NCBP3: variants seen among roughly 807,000 people sequenced by gnomAD.
NCBP3 encodes the protein nuclear cap-binding protein subunit 3.
NCBP3 carries 20 observed loss-of-function variants against 75.7 expected under a neutral mutation model. The observed-to-expected ratio is 0.26, with a 90% CI of 0.19 to 0.38. NCBP3 has a LOEUF of 0.38. Among genes scored for constraint, NCBP3 ranks in the 10% least tolerant of loss-of-function variants. NCBP3 has a pLI of 1.00. For missense variants in NCBP3, 678 were observed against 796.9 expected (o/e 0.85, Z 1.80); for synonymous variants, 293 against 290.5 (o/e 1.01, Z -0.09).
Position 3,818,479 on chromosome 17 carries a change from G to C in NCBP3, c.1094C>G (p.Ala365Gly). The part of the protein sequence containing the change: ...EEEEEDQDMD[A>G]DDRVVVEYHE... ...GTACTCTACCACCACTCTGTCATCTGCATCCATGTCCTGGTCTTCTTCTTC... is the reference window on the plus strand; with the variant it reads ...GTACTCTACCACCACTCTGTCATCTCCATCCATGTCCTGGTCTTCTTCTTC... Residue 365 changes from alanine (A) to glycine (G), a missense_variant, in exon 10 of 13, where the codon GCA (alanine) becomes GGA (glycine). Transcript: ENST00000389005. This position sits in a 1 kb window ranked among gnomAD's most constrained non-coding sequence, Gnocchi z 4.7. The C allele has an allele frequency of 6.2e-7, 1 of 1,613,844 alleles. No homozygotes were observed. Among genetic ancestry groups the C allele is most frequent in the South Asian group, 1.1e-5 (1 of 91,072 alleles).
chr17:3,843,890 C>G (rs1376906262), intron 1 of NCBP3, among the ~76,000 whole-genome samples: 3 of 152,148 alleles, frequency 2.0e-5, no homozygotes, highest in African/African-American at 4.8e-5. Context: ...CCCTTCCCCA[C>G]CCCTGACAAC....
At chr17:3,845,681 C>T (rs977050591) in intron 1 of NCBP3, among the ~76,000 whole-genome samples, 1 of 152,160 alleles carries the variant, frequency 6.6e-6, no homozygotes, top group Non-Finnish European at 1.5e-5. Flanking sequence ...TTCTGGGCTG[C>T]CCCTGGTTCT....
At chr17:3,835,724 A>G (rs1346852602) in intron 3 of NCBP3, among the ~76,000 whole-genome samples, 1 of 152,266 alleles carries the variant, frequency 6.6e-6, no homozygotes, top group Non-Finnish European at 1.5e-5. Flanking sequence ...GGTTGGGCAC[A>G]AGGTTAACCT....
chr17:3,825,699 C>T (rs2053771388), intron 6 of NCBP3, 68 bp downstream of exon 6: 2 of 1,176,372 alleles, frequency 1.7e-6, no homozygotes, highest in East Asian at 5.1e-5. Context: ...GTCTTTAAGG[C>T]TTAAGTTAAA....
At chr17:3,820,902 C>G (rs2053648807) in intron 9 of NCBP3, among the ~76,000 whole-genome samples, 1 of 151,258 alleles carries the variant, frequency 6.6e-6, no homozygotes, top group Non-Finnish European at 1.5e-5. Flanking sequence ...TGCACTCCAG[C>G]CTGAGAGACA....
chr17:3,841,852 TATAA>T (rs1471600445), intron 2 of NCBP3, among the ~76,000 whole-genome samples: 1 of 146,718 alleles, frequency 6.8e-6, no homozygotes, highest in Admixed American at 6.8e-5. Flanking sequence ...AAAAAAACAC[TATAA>T]AAAGGAAGGC....
In NCBP3 at chr17:3,821,263, T is replaced by C. The variant is rs777905800; in HGVS notation, c.986A>G (p.Lys329Arg). ...IGDDVGLTSYKHRHSGLVNVP... is the reference protein window; with the variant it reads ...IGDDVGLTSYRHRHSGLVNVP... Reference sequence around the variant, plus strand: ...CAGGCAACTACCAGAATGTCGATGTTTATACGACGTCAAGCCAACGTCATC... The same window carrying C: ...CAGGCAACTACCAGAATGTCGATGTCTATACGACGTCAAGCCAACGTCATC... The change falls in exon 9 of 13, where the codon AAA (lysine) becomes AGA (arginine). Residue 329 changes from lysine (K) to arginine (R), a missense_variant. Around this residue, in one of 7 missense-constraint regions of NCBP3, gnomAD observed 365 missense variants for 392.7 expected, o/e 0.93. Coordinates refer to ENST00000389005, the MANE Select transcript of NCBP3 (RefSeq NM_001114118.3). 5 of 1,613,326 alleles carry C rather than the reference T, an allele frequency of 3.1e-6. No individual in the cohort carries two copies. The highest frequency in any genetic ancestry group is 2.2e-5 in the East Asian group (1 of 44,884).
chr17:3,821,940 G>A lies in NCBP3; in HGVS notation c.896+13C>T, dbSNP rs146040343. The A allele has an allele frequency of 1.5e-3, 2,264 of 1,558,766 alleles. 43 individuals carry two copies. In the African/African-American group the frequency reaches 0.028, roughly 19 times the overall value. ...AACTCAAATACTATTGCATTTGAAG[G>A]TTTTGGACTCACCATGAATTGCTAA... On this transcript the variant is annotated intron_variant, in intron 8 of 12. Transcript: ENST00000389005.
At position 3,839,892 on chromosome 17, in the gene NCBP3, T is replaced by C. The variant is rs957724961; in HGVS notation, c.355+208A>G. On this transcript the variant is annotated intron_variant, in intron 3 of 12. Coordinates refer to ENST00000389005, the MANE Select transcript of NCBP3 (RefSeq NM_001114118.3). ...GGCCTCCTCAGAAAAGACAATCTCT[T>C]ATTTCCCAGCTCTAACATCTGAGCC... Among the ~76,000 whole-genome samples, 4 of 152,178 alleles carry C rather than the reference T, an allele frequency of 2.6e-5. 1 individual carries two copies. The highest frequency in any genetic ancestry group is 5.9e-5 in the Non-Finnish European group (4 of 68,036).
At position 3,818,556 on chromosome 17, in the gene NCBP3, G is replaced by A. The variant is rs757987952; in HGVS notation, c.1017C>T (p.Pro339=). The A allele has an allele frequency of 7.2e-5, 115 of 1,606,154 alleles. No individual in the cohort carries two copies. Among genetic ancestry groups the A allele is most frequent in the East Asian group, 1.8e-4 (8 of 44,856 alleles). Residue 339 remains proline (P), a synonymous_variant, in exon 10 of 13, where the codon CCC becomes CCT. Transcript: ENST00000389005. This position sits in a 1 kb window ranked among gnomAD's most constrained non-coding sequence, Gnocchi z 4.7. The part of the protein sequence containing the change: ...KHRHSGLVNV[P]EEPIEEEEEE... ...CTTCCTCCTCTTCAATGGGTTCCTC[G>A]GGAACATTCACTAGCCCTGAAGAAA...
intron 10 of NCBP3, 114 bp from the exon 11 acceptor site, chr17:3,816,384 G>T: frequency 1.1e-6 from 1 of 882,824 alleles, no homozygotes; most frequent in Non-Finnish European, 1.7e-6. Flanking sequence ...GTCTTACATG[G>T]CCAACATTCA....
Position 3,846,173 on chromosome 17 carries a change from C to G in NCBP3, c.51G>C (p.Ala17=). The stretch of plus-strand genomic sequence containing the variant: ...GGGACGGGAGCCCCAGGGCCGGCCC[C>G]GCCGGGGCCTCCGCCTTCACCGACA... ...LRVSVKAEAP[A]GPALGLPSPE... Residue 17 remains alanine (A), a synonymous_variant, in exon 1 of 13, where the codon GCG becomes GCC. Transcript: ENST00000389005. This position sits in a 1 kb window ranked among gnomAD's most constrained non-coding sequence, Gnocchi z 4.6. 6.6e-7 allele frequency: 1 copy of G among 1,522,564 alleles called. No homozygotes were observed. The highest frequency in any genetic ancestry group is 8.8e-7 in the Non-Finnish European group (1 of 1,135,600). 94.3% of individuals were successfully genotyped at this position (1,522,564 alleles called of 1,614,324 possible). A position where few individuals can be genotyped will look rare whatever the true frequency, so the allele number is the denominator to read the frequency against.
intron 7 of NCBP3, chr17:3,824,455 CACAT>C (rs542555160): frequency 6.7e-4 from 97 of 144,806 alleles, no homozygotes; most frequent in Non-Finnish European, 1.3e-3. Flanking sequence ...CATACATACA[CACAT>C]ACACGCGATA....
In NCBP3 at chr17:3,812,958, G is replaced by C. The variant is rs1425458401; in HGVS notation, c.*86C>G. The C allele has an allele frequency of 6.4e-7, 1 of 1,572,212 alleles. No homozygotes were observed. The highest frequency in any genetic ancestry group is 1.4e-5 in the African/African-American group (1 of 73,394). On this transcript the variant is annotated 3_prime_UTR_variant, in exon 13 of 13. Coordinates refer to ENST00000389005, the MANE Select transcript of NCBP3 (RefSeq NM_001114118.3). ...TGTGAGCAGGAGCGAGAGGGCGCCA[G>C]CTCCTGCGGGGGAGGTTCCTACTGC...
chr17:3,810,797 T>C lies in NCBP3; in HGVS notation c.*2247A>G, dbSNP rs184124295. 422 of 152,340 alleles carry C rather than the reference T, an allele frequency of 2.8e-3. 2 individuals are homozygous for C. Among genetic ancestry groups the C allele is most frequent in the South Asian group, 4.1e-3 (20 of 4,822 alleles). 9.4% of individuals were successfully genotyped at this position (152,340 alleles called of 1,614,324 possible). A position where few individuals can be genotyped will look rare whatever the true frequency, so the allele number is the denominator to read the frequency against. On this transcript the variant is annotated 3_prime_UTR_variant, in exon 13 of 13. Coordinates refer to ENST00000389005, the MANE Select transcript of NCBP3 (RefSeq NM_001114118.3). ...TCTTGGTTACATCAAAGACCCAGTT[T>C]TGACTGCACACCACCTCCTTCCAGA...
chr17:3,809,725 T>C lies in NCBP3; in HGVS notation c.*3319A>G, dbSNP rs1409652045. 1 of 150,972 alleles carries C rather than the reference T, an allele frequency of 6.6e-6. No individual in the cohort carries two copies. The highest frequency in any genetic ancestry group is 1.9e-4 in the East Asian group (1 of 5,156). 9.4% of individuals were successfully genotyped at this position (150,972 alleles called of 1,614,324 possible). A position where few individuals can be genotyped will look rare whatever the true frequency, so the allele number is the denominator to read the frequency against. On this transcript the variant is annotated 3_prime_UTR_variant, in exon 13 of 13. Transcript: ENST00000389005. ...GTGTCTCAAAAATAAATAATAGAAATAGAAATATATATATATAGCCCTAAA... is the reference window on the plus strand; with the variant it reads ...GTGTCTCAAAAATAAATAATAGAAACAGAAATATATATATATAGCCCTAAA...
intron 3 of NCBP3, among the ~76,000 whole-genome samples, chr17:3,830,039 G>GTAAA (rs1362174915): frequency 4.6e-5 from 7 of 152,098 alleles, no homozygotes; most frequent in Non-Finnish European, 1.0e-4. Flanking sequence ...TCCTTGAATC[G>GTAAA]AGATATCTTA....
At chr17:3,821,807 C>T in intron 8 of NCBP3, 146 bp downstream of exon 8, 2 of 638,336 alleles carry the variant, frequency 3.1e-6, no homozygotes, top group Admixed American at 2.6e-5. Context: ...CAGCATTCCC[C>T]ATCATTTACC....
intron 2 of NCBP3, among the ~76,000 whole-genome samples, chr17:3,841,385 G>A (rs369813790): frequency 1.4e-4 from 22 of 152,202 alleles, no homozygotes; most frequent in African/African-American, 4.8e-4. Flanking sequence ...AATAGTTAAC[G>A]CTCATTTTCT....
Sources: gnomAD v4.1 joint callset for allele counts (sites outside exome capture counted in the v4.1 genomes callset) on GRCh38, gnomAD v4.1.1 for gene constraint, gnomAD v4.1.1 regional missense constraint, Gnocchi (gnomAD v3.1) non-coding constraint, MANE v1.5 for transcripts, NCBI Gene and HGNC (gene_info 2026-07-23, HGNC 2026-07-21) for gene names.